The following WDR37 variants were observed in gnomAD, a reference collection of about 807,000 sequenced individuals.
The protein encoded by WDR37 is WD repeat-containing protein 37.
WDR37 carries 19 observed loss-of-function variants against 62.9 expected under a neutral mutation model. The observed-to-expected ratio is 0.30, with a 90% CI of 0.21 to 0.44. The LOEUF (loss-of-function observed/expected upper bound fraction) is 0.44. Among genes scored for constraint, WDR37 ranks in the 20% least tolerant of loss-of-function variants. The probability of loss-of-function intolerance (pLI) is 1.00; values close to 1 mark genes in which losing one functional copy is unlikely to be tolerated. For synonymous variants in WDR37, 250 were observed against 260.9 expected (o/e 0.96, Z 0.40); for missense variants, 474 against 657.6 (o/e 0.72, Z 3.05).
chr10:1,086,491 T>A (rs1167001594), intron 7 of WDR37, 134 bp downstream of exon 7: 6 of 669,778 alleles, frequency 9.0e-6, no homozygotes, highest in Non-Finnish European at 1.6e-5. Context: ...GACAGTGTGG[T>A]CTGTTCAGAG....
chr10:1,082,960 C>G (rs544307393), intron 5 of WDR37, among the ~76,000 whole-genome samples: 4 of 152,232 alleles, frequency 2.6e-5, no homozygotes, highest in African/African-American at 9.6e-5. Flanking sequence ...AATACTGTTA[C>G]TTATGTTAGA....
intron 11 of WDR37, among the ~76,000 whole-genome samples, chr10:1,114,722 AAGTC>A (rs910558188): frequency 3.4e-4 from 52 of 152,354 alleles, no homozygotes; most frequent in African/African-American, 1.2e-3. Context: ...CTGCAGCTGG[AAGTC>A]AGTGCTTTTC....
chr10:1,096,339 G>C, intron 9 of WDR37, 93 bp downstream of exon 9: 1 of 1,422,108 alleles, frequency 7.0e-7, no homozygotes, highest in Non-Finnish European at 9.9e-7. Context: ...CGGAATGTTT[G>C]TGTCCCCCCA....
intron 1 of WDR37, among the ~76,000 whole-genome samples, chr10:1,060,030 G>C (rs1034748893): frequency 2.6e-5 from 4 of 152,106 alleles, no homozygotes; most frequent in Admixed American, 2.0e-4. Flanking sequence ...GTAGAGACGG[G>C]ACTTCACCAT....
chr10:1,076,666 G>A (rs1168174491), intron 2 of WDR37, among the ~76,000 whole-genome samples: 1 of 143,872 alleles, frequency 7.0e-6, no homozygotes, highest in Admixed American at 7.1e-5. Context: ...GTGACAGAGC[G>A]AGACTCCATC....
intron 1 of WDR37, among the ~76,000 whole-genome samples, chr10:1,062,523 C>T (rs910360718): frequency 2.0e-5 from 3 of 152,204 alleles, no homozygotes; most frequent in Admixed American, 6.5e-5. Context: ...AAGATAGAGT[C>T]TCCCTTTTTC....
chr10:1,091,427 ATAT>A (rs902787367), intron 7 of WDR37, among the ~76,000 whole-genome samples: 4 of 152,164 alleles, frequency 2.6e-5, no homozygotes, highest in African/African-American at 9.7e-5. Context: ...CTGTATTTTA[ATAT>A]TAATAATGAG....
Position 1,074,264 on chromosome 10 carries a change from A to T in WDR37, c.138+1971A>T, listed in dbSNP as rs562758971. 8.1e-5 allele frequency: 90 copies of T among 1,116,492 alleles called. 1 individual carries two copies. The South Asian group carries it at 1.3e-3, about 16-fold the overall frequency. The allele number at this position is 1,116,492 out of a possible 1,614,324, so 69.2% of individuals were successfully genotyped here. Reference sequence around the variant, plus strand: ...AGCCTCCCCTGCTGGCATGTTCTAGAGTTGTCTCCTGCCTGGGGTGAAAGT... The same window carrying T: ...AGCCTCCCCTGCTGGCATGTTCTAGTGTTGTCTCCTGCCTGGGGTGAAAGT... On this transcript the variant is annotated intron_variant, in intron 2 of 13. Transcript: ENST00000263150.
intron 9 of WDR37, 169 bp downstream of exon 9, chr10:1,096,415 G>GTTAA: frequency 1.4e-6 from 1 of 693,114 alleles, no homozygotes; most frequent in Non-Finnish European, 2.5e-6. Context: ...TAAGGTAGTA[G>GTTAA]TTAAGGTTCA....
chr10:1,069,389 A>ATATATATTTT, intron 1 of WDR37, among the ~76,000 whole-genome samples: 75 of 95,766 alleles, frequency 7.8e-4, no homozygotes, highest in African/African-American at 3.0e-3. Flanking sequence ...ATATATATAT[A>ATATATATTTT]TTTTTTTTTT....
intron 1 of WDR37, among the ~76,000 whole-genome samples, chr10:1,061,822 A>G (rs1833379819): frequency 7.0e-6 from 1 of 143,152 alleles, no homozygotes; most frequent in Admixed American, 7.2e-5. Flanking sequence ...CCTGGGCAAC[A>G]GTGGAGACGT....
chr10:1,125,916 C>T (rs1264616651), intron 13 of WDR37, among the ~76,000 whole-genome samples: 1 of 152,224 alleles, frequency 6.6e-6, no homozygotes, highest in African/African-American at 2.4e-5. Context: ...GTCCTGGTTG[C>T]CTGGAAGGCG....
At chr10:1,101,138 C>T (rs534454255) in intron 9 of WDR37, among the ~76,000 whole-genome samples, 3 of 152,342 alleles carry the variant, frequency 2.0e-5, no homozygotes, top group African/African-American at 7.2e-5. Flanking sequence ...TGCTCCAGGC[C>T]GCCCTCCCTG....
chr10:1,127,350 T>C (rs987284994), intron 13 of WDR37, among the ~76,000 whole-genome samples: 45 of 152,228 alleles, frequency 3.0e-4, no homozygotes, highest in African/African-American at 9.6e-5. Context: ...GTATGTGAAA[T>C]AGATTTATTT....
In WDR37 at chr10:1,132,020, CAT is replaced by C. The variant is rs1218304115; in HGVS notation, c.*2679_*2680del. On this transcript the variant is annotated 3_prime_UTR_variant, in exon 14 of 14. Transcript: ENST00000263150. ...ATTTGTTACTTAAGTCTGTGAAAAA[CAT>C]ATTTCTTTGGAGGAAAATGTATGCA... The C allele has an allele frequency of 2.6e-5, 4 of 152,712 alleles. No individual in the cohort carries two copies. Among genetic ancestry groups the C allele is most frequent in the Non-Finnish European group, 4.4e-5 (3 of 68,018 alleles). The allele number at this position is 152,712 out of a possible 1,614,324, so 9.5% of individuals were successfully genotyped here.
chr10:1,106,181 C>T (rs1021337438), intron 11 of WDR37, among the ~76,000 whole-genome samples: 2 of 152,172 alleles, frequency 1.3e-5, no homozygotes, highest in African/African-American at 4.8e-5. Flanking sequence ...TCTGCCCAGT[C>T]ACGGGGGCTG....
intron 1 of WDR37, among the ~76,000 whole-genome samples, chr10:1,068,486 G>A (rs1203114015): frequency 1.3e-5 from 2 of 151,988 alleles, no homozygotes; most frequent in Non-Finnish European, 2.9e-5. Flanking sequence ...GTGTTTTACT[G>A]GGGTGGTGGA....
intron 11 of WDR37, among the ~76,000 whole-genome samples, chr10:1,120,869 G>A (rs1202656157): frequency 6.6e-6 from 1 of 152,260 alleles, no homozygotes; most frequent in African/African-American, 2.4e-5. Context: ...GTGACTGGGA[G>A]ACAGCTGTTC....
intron 13 of WDR37, among the ~76,000 whole-genome samples, chr10:1,126,410 A>AG (rs1434058457): frequency 6.6e-6 from 1 of 151,422 alleles, no homozygotes; most frequent in South Asian, 2.1e-4. Context: ...TGTCTCAGAA[A>AG]AAAAAAAAAG....
Sources: allele counts gnomAD v4.1 joint callset (sites outside exome capture counted in the v4.1 genomes callset), GRCh38; gene constraint gnomAD v4.1.1; transcripts MANE v1.5; gene names NCBI Gene and HGNC (gene_info 2026-07-23, HGNC 2026-07-21).